The following DMAP1 variants were observed in gnomAD, a reference collection of about 807,000 sequenced individuals.
DMAP1 encodes DNA methyltransferase 1-associated protein 1.
A neutral mutation model predicts 52.7 loss-of-function variants in DMAP1; 26 were observed. The observed-to-expected ratio is 0.49, with a 90% CI of 0.36 to 0.68. DMAP1 has a LOEUF of 0.68. Among genes scored for constraint, DMAP1 ranks in the 30% least tolerant of loss-of-function variants. The pLI is 0.00. For synonymous variants in DMAP1, 231 were observed against 246.0 expected, an observed-to-expected ratio of 0.94 and a Z score of 0.57; for missense variants, 439 against 625.2, an observed-to-expected ratio of 0.70 and a Z score of 3.18.
In DMAP1 at chr1:44,219,442, T is replaced by G; in HGVS notation, c.943T>G (p.Phe315Val). ...PETAGIKFPD[F>V]KSAGVTLRSQ... ...GACTGCAGGCATCAAGTTTCCAGAC[T>G]TCAAGTCTGCAGGTGTCACGCTGCG... Residue 315 changes from phenylalanine (F) to valine (V), a missense_variant, in exon 7 of 10, where the codon TTC becomes GTC. Physicochemically the swap from Phe to Val is conservative, Grantham distance 50. Around this residue, in one of 3 missense-constraint regions of DMAP1, gnomAD observed 179 missense variants for 285.9 expected, o/e 0.63. Transcript: ENST00000372289. 6.3e-7 allele frequency: 1 copy of G among 1,594,222 alleles called. No individual in the cohort carries two copies.
Position 44,219,191 on chromosome 1 carries a change from C to T in DMAP1, c.856C>T (p.Arg286Cys). ...CACTGCAGAGCAGCGGCGCACGGAA[C>T]GCAAGGCCCCCAAAAAGAAGCTACC... ...DTTAEQRRTE[R>C]KAPKKKLPQK... Residue 286 changes from arginine (R) to cysteine (C), a missense_variant, in exon 6 of 10, where the codon CGC (arginine) becomes TGC (cysteine). Physicochemically the swap from Arg to Cys is radical, Grantham distance 180. This residue lies in a region of DMAP1 where 179 missense variants were observed against 285.9 expected (regional missense o/e 0.63). Coordinates refer to ENST00000372289, the MANE Select transcript of DMAP1 (RefSeq NM_019100.5). 7 of 1,613,926 alleles carry T rather than the reference C, an allele frequency of 4.3e-6. No homozygotes were observed. Among genetic ancestry groups the T allele is most frequent in the Non-Finnish European group, 5.9e-6 (7 of 1,179,974 alleles).
Position 44,219,457 on chromosome 1 carries a change from G to A in DMAP1, c.958G>A (p.Val320Ile). 6.3e-7 allele frequency: 1 copy of A among 1,592,544 alleles called. No homozygotes were observed. Among genetic ancestry groups the A allele is most frequent in the Non-Finnish European group, 8.5e-7 (1 of 1,171,510 alleles). The change falls in exon 7 of 10, where the codon GTC (valine) becomes ATC (isoleucine). Residue 320 changes from valine (V) to isoleucine (I), a missense_variant. By Grantham distance (29) the Val-to-Ile change is conservative. This residue lies in a region of DMAP1 where 179 missense variants were observed against 285.9 expected (regional missense o/e 0.63). Transcript: ENST00000372289. Reference sequence around the variant, plus strand: ...GTTTCCAGACTTCAAGTCTGCAGGTGTCACGCTGCGGAGCCAACGGGTACG... The same window carrying A: ...GTTTCCAGACTTCAAGTCTGCAGGTATCACGCTGCGGAGCCAACGGGTACG... ...IKFPDFKSAG[V>I]TLRSQRMKLP...
rs766472780 is a variant in DMAP1 at position 44,220,152 on chromosome 1, AG to A, written c.1189del (p.Ala397HisfsTer8). 1 of 1,612,438 alleles carries A rather than the reference AG, an allele frequency of 6.2e-7. No individual in the cohort carries two copies. Among genetic ancestry groups the A allele is most frequent in the East Asian group, 2.2e-5 (1 of 44,836 alleles). On this transcript the variant is annotated frameshift_variant, in exon 9 of 10. Transcript: ENST00000372289. LOFTEE classifies it high-confidence loss of function. ...CTGCAGATGCTGCGGCACCGTCATG[AG>A]GCACTGGCCCGGGCTGGTGTGCTAG... ...YELQMLRHRH[E>X]ALARAGVLGG...
chr1:44,215,086 G>C (rs1643760765), intron 3 of DMAP1, 188 bp downstream of exon 3: 1 of 727,342 alleles, frequency 1.4e-6, no homozygotes, highest in Non-Finnish European at 2.4e-6. Flanking sequence ...AAGGGATCCT[G>C]TTCTTTCCCG....
In DMAP1 at chr1:44,218,912, C is replaced by T. The variant is rs1643849146; in HGVS notation, c.721-144C>T. The T allele has an allele frequency of 2.8e-6, 4 of 1,403,800 alleles. No individual in the cohort carries two copies. Among genetic ancestry groups the T allele is most frequent in the Non-Finnish European group, 2.9e-6 (3 of 1,029,908 alleles). 87.0% of individuals were successfully genotyped at this position (1,403,800 alleles called of 1,614,324 possible). ...CATTCCTACTTCTCATGGGCCATCC[C>T]CCCTGCTTTTCATAGCCCTTCACCT... On this transcript the variant is annotated intron_variant, in intron 5 of 9. Transcript: ENST00000372289. The surrounding 1 kb of genome is among the most constrained non-coding windows in gnomAD (Gnocchi z 5.6).
chr1:44,215,030 C>T (rs576917691), intron 3 of DMAP1, 132 bp downstream of exon 3: 24 of 1,040,942 alleles, frequency 2.3e-5, no homozygotes, highest in African/African-American at 1.1e-4. Context: ...ACTCAATCCT[C>T]GTGGCAAATG....
In DMAP1 at chr1:44,214,754, G is replaced by A; in HGVS notation, c.249G>A (p.Val83=). ...PSDTGQGYRT[V]KAKLGSKKVR... ...ACACTGGCCAGGGATACCGTACAGT[G>A]AAGGCCAAGTTGGGCTCCAAGAAGG... Residue 83 remains valine, a synonymous_variant, in exon 3 of 10, where the codon GTG becomes GTA. Coordinates refer to ENST00000372289, the MANE Select transcript of DMAP1 (RefSeq NM_019100.5). The A allele has an allele frequency of 3.1e-6, 5 of 1,614,128 alleles. No homozygotes were observed. The highest frequency in any genetic ancestry group is 3.4e-6 in the Non-Finnish European group (4 of 1,179,986).
In DMAP1 at chr1:44,220,019, C is replaced by G; in HGVS notation, c.1054C>G (p.Leu352Val). 1 of 1,599,030 alleles carries G rather than the reference C, an allele frequency of 6.3e-7. No individual in the cohort carries two copies. The highest frequency in any genetic ancestry group is 8.5e-7 in the Non-Finnish European group (1 of 1,169,602). ...TGCTGCCTGCCGCCTGCCTGCAGAG[C>G]TGAGCCCGACACCTACGGAGGAGCT... ...EQMLLELGVE[L>V]SPTPTEELVH... The change falls in exon 9 of 10, where the codon CTG (leucine) becomes GTG (valine). Residue 352 changes from leucine (L) to valine (V), a missense_variant and splice_region_variant. Leu to Val is a conservative substitution (Grantham distance 32). This residue lies in a region of DMAP1 where 179 missense variants were observed against 285.9 expected (regional missense o/e 0.63). Transcript: ENST00000372289.
Position 44,218,359 on chromosome 1 carries a change from C to T in DMAP1, c.442C>T (p.His148Tyr), listed in dbSNP as rs769065111. 2.5e-6 allele frequency: 4 copies of T among 1,614,086 alleles called. No homozygotes were observed. Among genetic ancestry groups the T allele is most frequent in the East Asian group, 2.2e-5 (1 of 44,898 alleles). The change falls in exon 4 of 10, where the codon CAC (histidine) becomes TAC (tyrosine). Residue 148 changes from histidine to tyrosine, a missense_variant. By Grantham distance (83) the His-to-Tyr change is moderately conservative (BLOSUM62 2). Around this residue, in one of 3 missense-constraint regions of DMAP1, gnomAD observed 142 missense variants for 149.5 expected, o/e 0.95. Coordinates refer to ENST00000372289, the MANE Select transcript of DMAP1 (RefSeq NM_019100.5). This position sits in a 1 kb window ranked among gnomAD's most constrained non-coding sequence, Gnocchi z 5.6. ...GGAGCAGGAGTACCAGCTTTATCTCCACGATGATGCTTGGACTAAGGCAGA... is the reference window on the plus strand; with the variant it reads ...GGAGCAGGAGTACCAGCTTTATCTCTACGATGATGCTTGGACTAAGGCAGA... ...YSEQEYQLYL[H>Y]DDAWTKAETD...
At chr1:44,219,729 T>C in intron 7 of DMAP1, 77 bp from the exon 8 acceptor site, 1 of 1,547,008 alleles carries the variant, frequency 6.5e-7, no homozygotes. Context: ...TCCACCATCT[T>C]TCCCTCTGCC....
At chr1:44,216,490 A>C (rs1487796807) in intron 3 of DMAP1, 2 of 152,154 alleles carry the variant, frequency 1.3e-5, no homozygotes, top group Non-Finnish European at 2.9e-5. Flanking sequence ...TCAGCCTCCC[A>C]AAGTATTGGG....
At chr1:44,214,550 G>A in intron 2 of DMAP1, 109 bp downstream of exon 2, 1 of 1,612,542 alleles carries the variant, frequency 6.2e-7, no homozygotes, top group Non-Finnish European at 8.5e-7. Flanking sequence ...AAGGGCTCCT[G>A]CTTGCTTAGC....
rs1643855443 is a variant in DMAP1, at chr1:44,219,217, C to T, written c.882C>T (p.Pro294=). ...TERKAPKKKL[P]QKKEAEKPAV... is the part of the protein sequence containing the mutation. Reference sequence around the variant, plus strand: ...GCAAGGCCCCCAAAAAGAAGCTACCCCAGAAAAAGGAGGCTGAGAAGCCGG... The same window carrying T: ...GCAAGGCCCCCAAAAAGAAGCTACCTCAGAAAAAGGAGGCTGAGAAGCCGG... Residue 294 remains proline (P), a synonymous_variant, in exon 6 of 10, where the codon CCC becomes CCT. Transcript: ENST00000372289. The T allele has an allele frequency of 6.2e-7, 1 of 1,613,238 alleles. No homozygotes were observed. Among genetic ancestry groups the T allele is most frequent in the African/African-American group, 1.3e-5 (1 of 74,886 alleles).
At chr1:44,216,166 A>G (rs2154314240) in intron 3 of DMAP1, 1 of 152,322 alleles carries the variant, frequency 6.6e-6, no homozygotes, top group Non-Finnish European at 1.5e-5. Flanking sequence ...AATGAATGAA[A>G]AAATGTCTTC....
rs1308089686 is a variant in DMAP1 at position 44,218,360 on chromosome 1, A to C, written c.443A>C (p.His148Pro). The change falls in exon 4 of 10, where the codon CAC becomes CCC. Residue 148 changes from histidine (H) to proline (P), a missense_variant. Physicochemically the swap from His to Pro is moderately conservative, Grantham distance 77 (BLOSUM62 -2). Around this residue, in one of 3 missense-constraint regions of DMAP1, gnomAD observed 142 missense variants for 149.5 expected, o/e 0.95. Coordinates refer to ENST00000372289, the MANE Select transcript of DMAP1 (RefSeq NM_019100.5). This position sits in a 1 kb window ranked among gnomAD's most constrained non-coding sequence, Gnocchi z 5.6. ...YSEQEYQLYLHDDAWTKAETD... is the reference protein window; with the variant it reads ...YSEQEYQLYLPDDAWTKAETD... ...GAGCAGGAGTACCAGCTTTATCTCC[A>C]CGATGATGCTTGGACTAAGGCAGAA... 1 of 1,614,174 alleles carries C rather than the reference A, an allele frequency of 6.2e-7. No individual in the cohort carries two copies. The highest frequency in any genetic ancestry group is 1.7e-5 in the Admixed American group (1 of 60,020).
At chr1:44,215,455 C>T (rs1643772473) in intron 3 of DMAP1, 1 of 396,362 alleles carries the variant, frequency 2.5e-6, no homozygotes, top group African/African-American at 2.1e-5. Flanking sequence ...TTAGTCTTCT[C>T]CCTTAGTCCT....
rs766415972 is a variant in DMAP1 at position 44,218,381 on chromosome 1, C to G, written c.464C>G (p.Ala155Gly). The G allele has an allele frequency of 1.9e-6, 3 of 1,614,228 alleles. No individual in the cohort carries two copies. In the Admixed American group the frequency reaches 5.0e-5, roughly 27 times the overall value. ...LYLHDDAWTK[A>G]ETDHLFDLSR... ...CTCCACGATGATGCTTGGACTAAGG[C>G]AGAAACTGACCACCTCTTTGACCTC... Residue 155 changes from alanine to glycine, a missense_variant, in exon 4 of 10, where the codon GCA (alanine) becomes GGA (glycine). By Grantham distance (60) the Ala-to-Gly change is moderately conservative (BLOSUM62 0). Around this residue, in one of 3 missense-constraint regions of DMAP1, gnomAD observed 142 missense variants for 149.5 expected, o/e 0.95. Transcript: ENST00000372289. The surrounding 1 kb of genome is among the most constrained non-coding windows in gnomAD (Gnocchi z 5.6).
At chr1:44,219,702 T>C (rs1643870214) in intron 7 of DMAP1, 104 bp from the exon 8 acceptor site, 5 of 1,397,826 alleles carry the variant, frequency 3.6e-6, no homozygotes, top group Admixed American at 1.9e-5. Flanking sequence ...TTAACCTCCA[T>C]GTGTTACCGT....
chr1:44,218,815 T>G lies in DMAP1; in HGVS notation c.720+60T>G. 1 of 1,546,704 alleles carries G rather than the reference T, an allele frequency of 6.5e-7. No homozygotes were observed. Among genetic ancestry groups the G allele is most frequent in the Non-Finnish European group, 8.8e-7 (1 of 1,142,692 alleles). On this transcript the variant is annotated intron_variant, in intron 5 of 9. Transcript: ENST00000372289. This position sits in a 1 kb window ranked among gnomAD's most constrained non-coding sequence, Gnocchi z 5.6. Reference sequence around the variant, plus strand: ...CCAAACCCCTTGCTCATTGTCTCCATCCTCCATCCCCTCAACTCCCACTCC... The same window carrying G: ...CCAAACCCCTTGCTCATTGTCTCCAGCCTCCATCCCCTCAACTCCCACTCC...
Sources: allele counts gnomAD v4.1 joint callset, GRCh38; gene constraint gnomAD v4.1.1; regional missense constraint gnomAD v4.1.1; non-coding constraint Gnocchi (gnomAD v3.1); transcripts MANE v1.5; gene names NCBI Gene and HGNC (gene_info 2026-07-23, HGNC 2026-07-21).